GUCY2C: variants seen among roughly 807,000 people sequenced by gnomAD.
GUCY2C encodes guanylyl cyclase C.
GUCY2C carries 118 observed loss-of-function variants against 131.1 expected under a neutral mutation model. The observed-to-expected ratio is 0.90, with a 90% confidence interval of 0.78 to 1.05. The LOEUF is 1.05. Among genes scored for constraint, GUCY2C ranks in the 50% least tolerant of loss-of-function variants. The pLI is 0.00. For missense variants in GUCY2C, 1,161 were observed against 1,304.4 expected, an observed-to-expected ratio of 0.89 and a Z score of 1.69; for synonymous variants, 452 against 457.8, an observed-to-expected ratio of 0.99 and a Z score of 0.16.
intron 21 of GUCY2C, among the ~76,000 whole-genome samples, chr12:14,624,322 T>A (rs1471811631): frequency 6.6e-6 from 1 of 152,100 alleles, no homozygotes; most frequent in East Asian, 1.9e-4. Flanking sequence ...GCGCCTGTAA[T>A]CCCAGCTACT....
chr12:14,627,792 A>T (rs1402610896), intron 20 of GUCY2C, among the ~76,000 whole-genome samples: 1 of 152,134 alleles, frequency 6.6e-6, no homozygotes, highest in Non-Finnish European at 1.5e-5. Flanking sequence ...GGCTAGAATT[A>T]ATTATTATTT....
intron 19 of GUCY2C, among the ~76,000 whole-genome samples, chr12:14,638,966 A>AC (rs1260150806): frequency 6.6e-6 from 1 of 152,196 alleles, no homozygotes; most frequent in Admixed American, 6.5e-5. Context: ...TATCACATAT[A>AC]CCCCACAAAT....
At chr12:14,687,135 A>T (rs1201793959) in intron 2 of GUCY2C, among the ~76,000 whole-genome samples, 1 of 152,196 alleles carries the variant, frequency 6.6e-6, no homozygotes, top group Non-Finnish European at 1.5e-5. Context: ...ATCCTTTGAC[A>T]TTGAAGTTAC....
chr12:14,681,562 T>A (rs1388044857), intron 4 of GUCY2C, 85 bp from the exon 5 acceptor site: 3 of 1,157,550 alleles, frequency 2.6e-6, no homozygotes, highest in Non-Finnish European at 3.8e-6. Flanking sequence ...AGATCTATCC[T>A]GGGATTTGTT....
chr12:14,686,514 G>T (rs920706954), intron 2 of GUCY2C, among the ~76,000 whole-genome samples: 3 of 152,210 alleles, frequency 2.0e-5, no homozygotes, highest in Non-Finnish European at 1.5e-5. Flanking sequence ...GCAGAAGAGG[G>T]ACTGGGAGGC....
chr12:14,683,707 T>C (rs567074553), intron 3 of GUCY2C, among the ~76,000 whole-genome samples: 2 of 152,322 alleles, frequency 1.3e-5, no homozygotes, highest in South Asian at 2.1e-4. Context: ...ATGCTTAGTA[T>C]GTATTTAACG....
rs537526358 is a variant in GUCY2C, at chr12:14,647,489, A to G, written c.1711-2174T>C. Among the ~76,000 whole-genome samples, 147 of 152,300 alleles carry G rather than the reference A, an allele frequency of 9.7e-4. 2 individuals carry two copies. The highest frequency in any genetic ancestry group is 3.4e-3 in the African/African-American group (142 of 41,578). On this transcript the variant is annotated intron_variant, in intron 15 of 26. Transcript: ENST00000261170. ...TCTCTGTTAGCAACAGCCCTGATTT[A>G]TAATATGCTTGCTGAGTACGATGTG...
chr12:14,636,696 G>T (rs533423571), intron 19 of GUCY2C, among the ~76,000 whole-genome samples: 2 of 152,230 alleles, frequency 1.3e-5, no homozygotes, highest in East Asian at 3.9e-4. Context: ...GAGTCAAATT[G>T]TCCCTCTTTG....
intron 20 of GUCY2C, 151 bp downstream of exon 20, chr12:14,628,495 A>C (rs1947069654): frequency 5.2e-6 from 3 of 581,330 alleles, no homozygotes; most frequent in Non-Finnish European, 9.3e-6. Context: ...AATAGTCTCC[A>C]TATCATTTTA....
At chr12:14,629,362 T>C (rs559921954) in intron 19 of GUCY2C, among the ~76,000 whole-genome samples, 1 of 152,182 alleles carries the variant, frequency 6.6e-6, no homozygotes, top group African/African-American at 2.4e-5. Context: ...AAGATAAGGG[T>C]AATCACTCCA....
chr12:14,645,107 A>G (rs1947493618), intron 16 of GUCY2C, 122 bp downstream of exon 16: 1 of 614,982 alleles, frequency 1.6e-6, no homozygotes, highest in Non-Finnish European at 2.8e-6. Flanking sequence ...CTACAACCCT[A>G]TGACATAGCT....
intron 19 of GUCY2C, among the ~76,000 whole-genome samples, chr12:14,631,462 T>A (rs1947146193): frequency 6.6e-6 from 1 of 151,106 alleles, no homozygotes; most frequent in Non-Finnish European, 1.5e-5. Flanking sequence ...ATTCCACCTA[T>A]GAATGAGAAC....
chr12:14,664,154 A>G (rs1592126206), intron 10 of GUCY2C, among the ~76,000 whole-genome samples: 1 of 151,912 alleles, frequency 6.6e-6, no homozygotes, highest in Admixed American at 6.6e-5. Context: ...TTGGATTTCT[A>G]CTCTCATCGG....
chr12:14,666,303 T>C (rs546773727), intron 10 of GUCY2C, among the ~76,000 whole-genome samples: 1 of 152,218 alleles, frequency 6.6e-6, no homozygotes, highest in Non-Finnish European at 1.5e-5. Flanking sequence ...AATCGCTATA[T>C]TGGGTGGACC....
At position 14,613,432 on chromosome 12, in the gene GUCY2C, C is replaced by A; in HGVS notation, c.3048-141G>T. On this transcript the variant is annotated intron_variant, in intron 26 of 26. Transcript: ENST00000261170. This position sits in a 1 kb window ranked among gnomAD's most constrained non-coding sequence, Gnocchi z 4.9. ...CTAGACACAGGAAATCCAAAGAATA[C>A]AAAATGATCCCTGCCTTTGATGAGC... 1.5e-6 allele frequency: 1 copy of A among 672,960 alleles called. No homozygotes were observed. Among genetic ancestry groups the A allele is most frequent in the South Asian group, 1.8e-5 (1 of 55,510 alleles). The allele number at this position is 672,960 out of a possible 1,614,324, so 41.7% of individuals were successfully genotyped here. A position where few individuals can be genotyped will look rare whatever the true frequency, so the allele number is the denominator to read the frequency against.
intron 3 of GUCY2C, 29 bp from the exon 4 acceptor site, chr12:14,683,286 A>G (rs1948388717): frequency 7.2e-7 from 1 of 1,389,898 alleles, no homozygotes; most frequent in Non-Finnish European, 1.0e-6. Context: ...GAAAAAAGCC[A>G]TTATCAGTAT....
intron 5 of GUCY2C, among the ~76,000 whole-genome samples, chr12:14,680,983 G>T (rs1225970889): frequency 6.6e-6 from 1 of 152,028 alleles, no homozygotes; most frequent in African/African-American, 2.4e-5. Context: ...GAGGACTGGG[G>T]CTCAGAATGT....
At chr12:14,667,980 G>C (rs1336314111) in intron 10 of GUCY2C, among the ~76,000 whole-genome samples, 1 of 145,478 alleles carries the variant, frequency 6.9e-6, no homozygotes, top group East Asian at 2.0e-4. Context: ...TGCTCCATTT[G>C]TGAATATATA....
intron 18 of GUCY2C, among the ~76,000 whole-genome samples, chr12:14,640,638 C>T (rs144176390): frequency 2.3e-3 from 348 of 152,214 alleles, no homozygotes; most frequent in African/African-American, 4.5e-3. Context: ...ACGGTTAGCA[C>T]GTAATAAATG....
Sources: gnomAD v4.1 joint callset for allele counts (sites outside exome capture counted in the v4.1 genomes callset) on GRCh38, gnomAD v4.1.1 for gene constraint, Gnocchi (gnomAD v3.1) non-coding constraint, MANE v1.5 for transcripts, NCBI Gene and HGNC (gene_info 2026-07-23, HGNC 2026-07-21) for gene names.